FLT1: variants seen among roughly 807,000 people sequenced by gnomAD.
FLT1 encodes the protein fms related receptor tyrosine kinase 1, also known as vascular endothelial growth factor receptor 1.
FLT1 carries 49 observed loss-of-function variants against 156.3 expected under a neutral mutation model. The ratio of observed to expected loss-of-function variants is 0.31; its 90% CI spans 0.25 to 0.40. FLT1 has a LOEUF of 0.40. FLT1 is among the 10% of genes least tolerant of loss of function. The pLI is 1.00. For missense variants in FLT1, 1,322 were observed against 1,637.2 expected (o/e 0.81, Z 3.32); for synonymous variants, 594 against 583.8 (o/e 1.02, Z -0.25).
intron 1 of FLT1, among the ~76,000 whole-genome samples, chr13:28,489,731 A>G (rs762899336): frequency 6.6e-6 from 1 of 152,162 alleles, no homozygotes; most frequent in African/African-American, 2.4e-5. Context: ...TGTAGCTGGA[A>G]CCCAGTGTGT....
intron 10 of FLT1, among the ~76,000 whole-genome samples, chr13:28,417,267 A>G (rs115645036): frequency 6.6e-6 from 1 of 152,138 alleles, no homozygotes; most frequent in Admixed American, 6.5e-5. Flanking sequence ...AACCAACCAC[A>G]TTCATCTCTG....
chr13:28,434,608 C>T (rs1281640482), intron 4 of FLT1, among the ~76,000 whole-genome samples: 3 of 152,236 alleles, frequency 2.0e-5, no homozygotes, highest in East Asian at 1.9e-4. Flanking sequence ...AGAGGCCGGG[C>T]GTGGTGGCTC....
chr13:28,456,793 C>T (rs1006710185), intron 3 of FLT1, among the ~76,000 whole-genome samples: 1 of 134,136 alleles, frequency 7.5e-6, no homozygotes, highest in East Asian at 2.0e-4. Flanking sequence ...GAGACTCCCT[C>T]TCAAAAAAAA....
chr13:28,334,572 G>T (rs763282634), intron 17 of FLT1, among the ~76,000 whole-genome samples: 4 of 152,122 alleles, frequency 2.6e-5, no homozygotes, highest in African/African-American at 9.7e-5. Flanking sequence ...GAAAATGGTG[G>T]TTACTACTGT....
intron 11 of FLT1, among the ~76,000 whole-genome samples, chr13:28,400,739 C>T (rs1241044571): frequency 6.6e-6 from 1 of 152,190 alleles, no homozygotes; most frequent in Non-Finnish European, 1.5e-5. Flanking sequence ...CAACTAAATA[C>T]TTTCAAAGAG....
At chr13:28,363,588 TG>T (rs1251873499) in intron 14 of FLT1, among the ~76,000 whole-genome samples, 2 of 152,168 alleles carry the variant, frequency 1.3e-5, no homozygotes, top group Non-Finnish European at 2.9e-5. Flanking sequence ...TCAACTTGAT[TG>T]TTTTCCCATT....
chr13:28,476,182 A>G (rs1264909921), intron 1 of FLT1, among the ~76,000 whole-genome samples: 5 of 152,192 alleles, frequency 3.3e-5, no homozygotes, highest in Admixed American at 1.3e-4. Context: ...TCTCTCCATG[A>G]GAACGTCAAG....
At chr13:28,343,787 C>T (rs1382309612) in intron 16 of FLT1, among the ~76,000 whole-genome samples, 3 of 151,750 alleles carry the variant, frequency 2.0e-5, no homozygotes, top group South Asian at 2.1e-4. Context: ...GGACTACAGG[C>T]GCCCTCCACC....
chr13:28,487,956 T>C (rs1881257227), intron 1 of FLT1, among the ~76,000 whole-genome samples: 1 of 151,570 alleles, frequency 6.6e-6, no homozygotes, highest in African/African-American at 2.4e-5. Context: ...AAGTACAAGA[T>C]TTTGTAAAGA....
chr13:28,314,296 C>T (rs1052203026), intron 25 of FLT1, among the ~76,000 whole-genome samples: 1 of 152,200 alleles, frequency 6.6e-6, no homozygotes, highest in African/African-American at 2.4e-5. Context: ...CATCTACAAC[C>T]ACTTGCTGTT....
intron 4 of FLT1, among the ~76,000 whole-genome samples, chr13:28,438,002 A>C (rs1018413158): frequency 6.6e-6 from 1 of 152,162 alleles, no homozygotes; most frequent in Non-Finnish European, 1.5e-5. Flanking sequence ...CATTATTCAC[A>C]TCGATTTATG....
chr13:28,427,764 G>C lies in FLT1; in HGVS notation c.1264C>G (p.Leu422Val). Residue 422 changes from leucine to valine, a missense_variant, in exon 9 of 30, where the codon CTA becomes GTA. Coordinates refer to ENST00000282397, the MANE Select transcript of FLT1 (RefSeq NM_002019.4). ...SNVFKNLTAT[L>V]IVNVKPQIYE... Reference sequence around the variant, plus strand: ...ACAGCAAACTTACCATTGACAATTAGAGTGGCAGTGAGGTTTTTAAACACA... The same window carrying C: ...ACAGCAAACTTACCATTGACAATTACAGTGGCAGTGAGGTTTTTAAACACA... 3 of 1,613,768 alleles carry C rather than the reference G, an allele frequency of 1.9e-6. No homozygotes were observed. The highest frequency in any genetic ancestry group is 2.5e-6 in the Non-Finnish European group (3 of 1,179,706).
chr13:28,357,815 C>T (rs1025317314), intron 14 of FLT1, 130 bp from the exon 15 acceptor site: 1 of 788,166 alleles, frequency 1.3e-6, no homozygotes, highest in Non-Finnish European at 2.2e-6. Flanking sequence ...GAACCTGGGG[C>T]AGGGTTGCTT....
At chr13:28,313,130 C>A (rs527616973) in intron 25 of FLT1, among the ~76,000 whole-genome samples, 46 of 152,202 alleles carry the variant, frequency 3.0e-4, no homozygotes, top group Non-Finnish European at 5.6e-4. Context: ...AGGCACCCAC[C>A]ACCACACCTG....
intron 27 of FLT1, 90 bp downstream of exon 27, chr13:28,311,496 TTCTC>T (rs535154481): frequency 3.7e-6 from 4 of 1,090,184 alleles, no homozygotes; most frequent in South Asian, 1.4e-5. Flanking sequence ...CTCTCTTTCT[TTCTC>T]TCTTTCGTCT....
chr13:28,368,455 T>G (rs1873392194), intron 14 of FLT1: 4 of 1,491,262 alleles, frequency 2.7e-6, no homozygotes, highest in East Asian at 5.0e-5. Flanking sequence ...CCCGGCCATT[T>G]GTTATTGTTA....
intron 14 of FLT1, among the ~76,000 whole-genome samples, chr13:28,372,566 G>T (rs868511979): frequency 1.1e-5 from 1 of 91,458 alleles, no homozygotes; most frequent in African/African-American, 3.7e-5. Flanking sequence ...TAAATAAAAT[G>T]TATATATATA....
chr13:28,390,145 C>A, intron 12 of FLT1, 41 bp from the exon 13 acceptor site: 2 of 1,601,358 alleles, frequency 1.2e-6, no homozygotes, highest in South Asian at 2.2e-5. Context: ...ACAGAAAAAT[C>A]AGTGTCTTTT....
At chr13:28,424,684 A>G (rs1418458138) in intron 10 of FLT1, among the ~76,000 whole-genome samples, 1 of 152,228 alleles carries the variant, frequency 6.6e-6, no homozygotes, top group African/African-American at 2.4e-5. Context: ...GTGGATATAC[A>G]TAGATACGCC....
Sources: gnomAD v4.1 joint callset for allele counts (sites outside exome capture counted in the v4.1 genomes callset) on GRCh38, gnomAD v4.1.1 for gene constraint, MANE v1.5 for transcripts, NCBI Gene and HGNC (gene_info 2026-07-23, HGNC 2026-07-21) for gene names.